The following GRID2 variants were observed in gnomAD, a reference collection of about 807,000 sequenced individuals.
GRID2 encodes the protein glutamate receptor ionotropic, delta-2.
A neutral mutation model predicts 114.8 loss-of-function variants in GRID2; 33 were observed. The ratio of observed to expected loss-of-function variants is 0.29; its 90% CI spans 0.22 to 0.38. The LOEUF (loss-of-function observed/expected upper bound fraction) is 0.38. Among genes scored for constraint, GRID2 ranks in the 10% least tolerant of loss-of-function variants. The pLI, the probability that GRID2 is intolerant of heterozygous loss-of-function variation, is 1.00. For synonymous variants in GRID2, 505 were observed against 449.9 expected, an observed-to-expected ratio of 1.12 and a Z score of -1.55; for missense variants, 1,184 against 1,257.7, an observed-to-expected ratio of 0.94 and a Z score of 0.89.
chr4:93,165,428 A>G (rs754737536), intron 4 of GRID2, among the ~76,000 whole-genome samples: 48 of 152,178 alleles, frequency 3.2e-4, no homozygotes, highest in Non-Finnish European at 5.0e-4. Context: ...GGGACACAGG[A>G]AAGAGGAGAT....
chr4:92,620,107 T>G (rs1453178896), intron 2 of GRID2, among the ~76,000 whole-genome samples: 1 of 151,780 alleles, frequency 6.6e-6, no homozygotes, highest in Non-Finnish European at 1.5e-5. Flanking sequence ...CTATCTATTT[T>G]GAGGACCAGA....
chr4:93,759,139 A>T (rs1733000457), intron 14 of GRID2, among the ~76,000 whole-genome samples: 2 of 152,160 alleles, frequency 1.3e-5, no homozygotes, highest in African/African-American at 2.4e-5. Flanking sequence ...TACTGCCAGC[A>T]TAAACACATA....
chr4:93,020,857 AC>A (rs1185749655), intron 2 of GRID2, among the ~76,000 whole-genome samples: 1 of 151,868 alleles, frequency 6.6e-6, no homozygotes, highest in Non-Finnish European at 1.5e-5. Context: ...ACATGGCAAA[AC>A]CCCGTCTCTA....
chr4:93,183,847 A>C (rs1740139030), intron 4 of GRID2, among the ~76,000 whole-genome samples: 4 of 152,220 alleles, frequency 2.6e-5, no homozygotes, highest in African/African-American at 9.6e-5. Context: ...GAACTTGTTC[A>C]AACTCATCAG....
intron 1 of GRID2, among the ~76,000 whole-genome samples, chr4:93,804,289 A>C (rs1374697980): frequency 6.6e-6 from 1 of 152,236 alleles, no homozygotes; most frequent in Non-Finnish European, 1.5e-5. Context: ...CATTCAGGAA[A>C]AATGAGTCAT....
chr4:93,568,162 C>G (rs1030235995), intron 13 of GRID2, among the ~76,000 whole-genome samples: 1 of 152,150 alleles, frequency 6.6e-6, no homozygotes, highest in African/African-American at 2.4e-5. Context: ...AATAGCCTTG[C>G]AAGCATGGTC....
At chr4:92,499,082 A>G (rs1723543727) in intron 1 of GRID2, among the ~76,000 whole-genome samples, 3 of 151,948 alleles carry the variant, frequency 2.0e-5, no homozygotes, top group African/African-American at 7.2e-5. Context: ...ATACAGATGC[A>G]TAGTTTGAGG....
chr4:93,294,376 A>G (rs1323530941), intron 8 of GRID2, among the ~76,000 whole-genome samples: 2 of 152,114 alleles, frequency 1.3e-5, no homozygotes, highest in Non-Finnish European at 2.9e-5. Context: ...AGAATGTTGT[A>G]ATTTTATTTA....
chr4:93,380,436 G>A (rs1344986861), intron 8 of GRID2, among the ~76,000 whole-genome samples: 3 of 150,256 alleles, frequency 2.0e-5, no homozygotes, highest in Non-Finnish European at 4.4e-5. Context: ...ATGACTTTGG[G>A]GCAGTTTGTT....
chr4:92,969,005 A>G (rs1578633342), intron 2 of GRID2, among the ~76,000 whole-genome samples: 1 of 151,788 alleles, frequency 6.6e-6, no homozygotes, highest in Admixed American at 6.6e-5. Context: ...ATTTGATATA[A>G]CAGAGTTTTT....
intron 1 of GRID2, among the ~76,000 whole-genome samples, chr4:92,549,712 C>G (rs774167244): frequency 3.5e-4 from 53 of 152,050 alleles, no homozygotes; most frequent in Non-Finnish European, 6.6e-4. Context: ...GTTTAGGTTA[C>G]AGGTAAGTCA....
At chr4:92,709,472 A>G (rs546044998) in intron 2 of GRID2, among the ~76,000 whole-genome samples, 1 of 151,568 alleles carries the variant, frequency 6.6e-6, no homozygotes, top group African/African-American at 2.4e-5. Context: ...CAAATGATCT[A>G]CAAAGTGGAG....
At chr4:92,720,412 C>G (rs1735755585) in intron 2 of GRID2, among the ~76,000 whole-genome samples, 1 of 151,916 alleles carries the variant, frequency 6.6e-6, no homozygotes, top group South Asian at 2.1e-4. Flanking sequence ...AATTCATACT[C>G]AGATGAGTTA....
chr4:93,149,168 A>G (rs1736512722), intron 4 of GRID2, among the ~76,000 whole-genome samples: 1 of 152,122 alleles, frequency 6.6e-6, no homozygotes, highest in Non-Finnish European at 1.5e-5. Flanking sequence ...CTTATATAAT[A>G]CTTCTGGATC....
chr4:93,293,623 A>T (rs1753977904), intron 8 of GRID2, among the ~76,000 whole-genome samples: 1 of 152,206 alleles, frequency 6.6e-6, no homozygotes. Context: ...AAATGCCTAC[A>T]AAGTAGTTGT....
intron 2 of GRID2, among the ~76,000 whole-genome samples, chr4:92,900,674 C>CA (rs767357920): frequency 2.6e-5 from 4 of 151,826 alleles, no homozygotes; most frequent in Non-Finnish European, 4.4e-5. Flanking sequence ...ACTAAAAATA[C>CA]AAAAAACAAA....
At chr4:93,307,322 T>A (rs950811261) in intron 8 of GRID2, among the ~76,000 whole-genome samples, 2 of 152,156 alleles carry the variant, frequency 1.3e-5, no homozygotes, top group African/African-American at 4.8e-5. Context: ...ATAATACTAA[T>A]GAGTGACATT....
At chr4:93,607,779 G>A (rs72670675) in intron 13 of GRID2, among the ~76,000 whole-genome samples, 3,634 of 152,030 alleles carry the variant, frequency 0.024, 62 homozygotes, top group East Asian at 0.066. Context: ...ATGAGTTTGG[G>A]TATTTTTCAT....
chr4:93,256,232 A>T (rs1301053778), intron 8 of GRID2, among the ~76,000 whole-genome samples: 9 of 151,972 alleles, frequency 5.9e-5, no homozygotes. Flanking sequence ...TTGAATGGCA[A>T]CCATGTTTTA....
Sources: allele counts gnomAD v4.1 joint callset (sites outside exome capture counted in the v4.1 genomes callset), GRCh38; gene constraint gnomAD v4.1.1; transcripts MANE v1.5; gene names NCBI Gene and HGNC (gene_info 2026-07-23, HGNC 2026-07-21).